Variants in TRIM2 observed in about 807,000 individuals in gnomAD.
TRIM2 encodes the protein tripartite motif-containing protein 2.
A neutral mutation model predicts 75.2 loss-of-function variants in TRIM2; 20 were observed. That is an observed-to-expected ratio of 0.27 (90% CI 0.19 to 0.39). The LOEUF (loss-of-function observed/expected upper bound fraction) is 0.39. TRIM2 is among the 10% of genes least tolerant of loss of function. The pLI, the probability that TRIM2 is intolerant of heterozygous loss-of-function variation, is 1.00. For missense variants in TRIM2, 660 were observed against 990.8 expected (o/e 0.67, Z 4.48); for synonymous variants, 373 against 388.3 (o/e 0.96, Z 0.46).
chr4:153,283,627 T>A (rs1759857075), intron 3 of TRIM2, among the ~76,000 whole-genome samples: 2 of 149,700 alleles, frequency 1.3e-5, no homozygotes, highest in Admixed American at 1.3e-4. Flanking sequence ...TAAGGAACCG[T>A]CAACTGTTTT....
chr4:153,275,799 A>C, intron 2 of TRIM2, 94 bp from the exon 3 acceptor site: 1 of 1,199,604 alleles, frequency 8.3e-7, no homozygotes, highest in East Asian at 2.4e-5. Context: ...GTTTCTGCCA[A>C]ATACCTTGTG....
chr4:153,335,825 C>T lies in TRIM2; in HGVS notation c.*859C>T. On this transcript the variant is annotated 3_prime_UTR_variant, in exon 12 of 12. Transcript: ENST00000338700. The stretch of plus-strand genomic sequence containing the variant: ...TACCATGTTTTCACACGTGTCTCTT[C>T]TCTTCGACTTCCTGAAAGCGAAAGC... 15 of 985,816 alleles carry T rather than the reference C, an allele frequency of 1.5e-5. No individual in the cohort carries two copies. Among genetic ancestry groups the T allele is most frequent in the Non-Finnish European group, 1.8e-5 (15 of 829,924 alleles). The allele number at this position is 985,816 out of a possible 1,614,324, so 61.1% of individuals were successfully genotyped here.
intron 11 of TRIM2, among the ~76,000 whole-genome samples, chr4:153,330,928 G>C (rs958182620): frequency 6.6e-5 from 10 of 152,200 alleles, no homozygotes; most frequent in African/African-American, 2.4e-4. Context: ...CCTGTTTGCA[G>C]ATAACATGAT....
intron 3 of TRIM2, among the ~76,000 whole-genome samples, chr4:153,285,599 A>G (rs1760435943): frequency 6.6e-6 from 1 of 152,226 alleles, no homozygotes; most frequent in African/African-American, 2.4e-5. Context: ...CTGGGATTAC[A>G]GGCATGAGCC....
At chr4:153,234,526 C>T (rs991250694) in intron 1 of TRIM2, among the ~76,000 whole-genome samples, 5 of 152,162 alleles carry the variant, frequency 3.3e-5, no homozygotes, top group South Asian at 2.1e-4. Flanking sequence ...ATTTCTGCTG[C>T]GGATCTCAGT....
At chr4:153,308,512 A>T (rs1044078382) in intron 6 of TRIM2, 12 of 758,468 alleles carry the variant, frequency 1.6e-5, no homozygotes, top group Non-Finnish European at 2.4e-5. Context: ...AAGTGCTGAT[A>T]CAAGTTCCTT....
At chr4:153,209,979 C>G (rs60488298) in intron 1 of TRIM2, among the ~76,000 whole-genome samples, 3,057 of 152,016 alleles carry the variant, frequency 0.02, 99 homozygotes, top group African/African-American at 0.07. Flanking sequence ...GCACCATAAA[C>G]AGCATTTGTG....
intron 1 of TRIM2, among the ~76,000 whole-genome samples, chr4:153,224,706 A>T (rs1429076574): frequency 6.6e-6 from 1 of 152,218 alleles, no homozygotes; most frequent in Non-Finnish European, 1.5e-5. Context: ...ATTCCATTGT[A>T]TCTGTCAAAA....
intron 1 of TRIM2, among the ~76,000 whole-genome samples, chr4:153,263,488 T>C (rs534473256): frequency 2.6e-5 from 4 of 152,320 alleles, no homozygotes; most frequent in African/African-American, 9.6e-5. Context: ...CATGTTATAT[T>C]TCGCTAGTTT....
intron 1 of TRIM2, among the ~76,000 whole-genome samples, chr4:153,230,293 A>G (rs1168882290): frequency 1.3e-5 from 2 of 151,880 alleles, no homozygotes; most frequent in East Asian, 3.9e-4. Flanking sequence ...CGATCCTCCC[A>G]TCTCAGCCTC....
At chr4:153,180,502 GTTTA>G (rs1378849323) in intron 1 of TRIM2, among the ~76,000 whole-genome samples, 3 of 152,004 alleles carry the variant, frequency 2.0e-5, no homozygotes, top group African/African-American at 7.3e-5. Flanking sequence ...ATTTTTGTTT[GTTTA>G]TTTGTTTGTT....
At chr4:153,270,304 T>A (rs1380559929) in intron 1 of TRIM2, 31 bp from the exon 2 acceptor site, 2 of 1,595,280 alleles carry the variant, frequency 1.3e-6, no homozygotes, top group Non-Finnish European at 1.7e-6. Context: ...GATCATTATA[T>A]GTTTTTCTGT....
At chr4:153,269,513 C>G (rs1458108152) in intron 1 of TRIM2, among the ~76,000 whole-genome samples, 2 of 152,146 alleles carry the variant, frequency 1.3e-5, no homozygotes, top group Non-Finnish European at 2.9e-5. Context: ...TCTGTCTGTT[C>G]TTTCTATATA....
chr4:153,187,119 A>C (rs928252009), intron 1 of TRIM2, among the ~76,000 whole-genome samples: 5 of 152,224 alleles, frequency 3.3e-5, no homozygotes, highest in Admixed American at 3.3e-4. Context: ...AAATTTCAGA[A>C]TGTTTGGCAA....
At chr4:153,198,537 G>A (rs1180082287) in intron 1 of TRIM2, among the ~76,000 whole-genome samples, 4 of 152,058 alleles carry the variant, frequency 2.6e-5, no homozygotes, top group Admixed American at 6.6e-5. Context: ...CCAGTCTCGG[G>A]TATGTCTTTA....
At chr4:153,290,310 C>A (rs577612593) in intron 3 of TRIM2, among the ~76,000 whole-genome samples, 119 of 152,266 alleles carry the variant, frequency 7.8e-4, no homozygotes, top group African/African-American at 2.8e-3. Context: ...TATATTGTTA[C>A]CAAGCATTTG....
intron 1 of TRIM2, among the ~76,000 whole-genome samples, chr4:153,246,594 T>G (rs1329157325): frequency 6.6e-6 from 1 of 152,228 alleles, no homozygotes; most frequent in African/African-American, 2.4e-5. Flanking sequence ...CCTAACACAG[T>G]GCCTAGCACA....
At chr4:153,216,098 G>A (rs1738406328) in intron 1 of TRIM2, among the ~76,000 whole-genome samples, 1 of 152,180 alleles carries the variant, frequency 6.6e-6, no homozygotes. Context: ...TCCAAAGAGA[G>A]TTGTTCTCTT....
At chr4:153,327,377 T>A (rs1304787960) in intron 10 of TRIM2, among the ~76,000 whole-genome samples, 1 of 152,214 alleles carries the variant, frequency 6.6e-6, no homozygotes, top group Non-Finnish European at 1.5e-5. Context: ...TAATCAGAGA[T>A]GACAACAGGT....
Sources: gnomAD v4.1 joint callset for allele counts (sites outside exome capture counted in the v4.1 genomes callset) on GRCh38, gnomAD v4.1.1 for gene constraint, MANE v1.5 for transcripts, NCBI Gene and HGNC (gene_info 2026-07-23, HGNC 2026-07-21) for gene names.